Variants in IL17RD observed in about 807,000 individuals in gnomAD.
The protein encoded by IL17RD is interleukin-17 receptor D.
IL17RD carries 52 observed loss-of-function variants against 80.5 expected under a neutral mutation model. That is an observed-to-expected ratio of 0.65 (90% CI 0.52 to 0.81). The LOEUF is 0.81. Ranked by LOEUF, IL17RD falls within the 40% of genes least tolerant of loss-of-function variation. The pLI, the probability that IL17RD is intolerant of heterozygous loss-of-function variation, is 0.00. For synonymous variants in IL17RD, 416 were observed against 391.8 expected, an observed-to-expected ratio of 1.06 and a Z score of -0.73; for missense variants, 1,024 against 955.1, an observed-to-expected ratio of 1.07 and a Z score of -0.95.
At chr3:57,167,605 A>G (rs1429735269), upstream of IL17RD, among the ~76,000 whole-genome samples, 1 of 152,176 alleles carries the variant, frequency 6.6e-6, no homozygotes, top group Non-Finnish European at 1.5e-5. Flanking sequence ...AAACAACCCC[A>G]TGCTAAGGGA....
At chr3:57,124,676 C>T (rs1270556123) in intron 1 of IL17RD, among the ~76,000 whole-genome samples, 3 of 152,134 alleles carry the variant, frequency 2.0e-5, no homozygotes, top group Admixed American at 6.5e-5. Flanking sequence ...ATTCTGACCT[C>T]CAGAACTATA....
At chr3:57,156,522 G>A (rs998342780) in intron 1 of IL17RD, among the ~76,000 whole-genome samples, 23 of 152,038 alleles carry the variant, frequency 1.5e-4, no homozygotes, top group Non-Finnish European at 4.4e-5. Context: ...CTATGATCAC[G>A]CCACTGCTGC....
chr3:57,166,415 C>G (rs555614046), upstream of IL17RD, among the ~76,000 whole-genome samples: 8 of 152,072 alleles, frequency 5.3e-5, no homozygotes, highest in African/African-American at 1.9e-4. Flanking sequence ...CCTAGAGGAT[C>G]GCTTGAGTTC....
chr3:57,110,862 C>T (rs1241054473), intron 3 of IL17RD, among the ~76,000 whole-genome samples: 5 of 152,216 alleles, frequency 3.3e-5, no homozygotes, highest in Non-Finnish European at 7.3e-5. Context: ...ATTTACAAAG[C>T]GGTTCTTGCT....
At chr3:57,133,812 C>T (rs1707663342) in intron 1 of IL17RD, among the ~76,000 whole-genome samples, 1 of 152,150 alleles carries the variant, frequency 6.6e-6, no homozygotes, top group African/African-American at 2.4e-5. Flanking sequence ...GTGGTGTGTT[C>T]CTAGTCCTCT....
chr3:57,148,105 C>T lies in IL17RD; in HGVS notation c.126+17056G>A, dbSNP rs1464727237. ...GCCAAGGTTGGGGGGGGGGGGGGGG[C>T]GATCGCTAGGTCAAGAGTTCAAGAC... On this transcript the variant is annotated intron_variant, in intron 1 of 12. Transcript: ENST00000296318. 1.9e-4 allele frequency among the ~76,000 whole-genome samples: 6 copies of T among 32,378 alleles called. 1 individual carries two copies. Among genetic ancestry groups the T allele is most frequent in the African/African-American group, 3.3e-4 (3 of 9,154 alleles). The allele number at this position is 32,378 out of a possible 152,430, so 21.2% of individuals were successfully genotyped here.
Position 57,097,980 on chromosome 3 carries a change from G to C in IL17RD, c.1723C>G (p.Arg575Gly). 6.2e-7 allele frequency: 1 copy of C among 1,614,000 alleles called. No homozygotes were observed. The highest frequency in any genetic ancestry group is 8.5e-7 in the Non-Finnish European group (1 of 1,179,886). Residue 575 changes from arginine to glycine, a missense_variant, in exon 12 of 13, where the codon CGG becomes GGG. Physicochemically the swap from Arg to Gly is moderately radical, Grantham distance 125 (BLOSUM62 -2). Transcript: ENST00000296318. ...VPFHPPPLRY[R>G]EPVLEKFDSG... is the part of the protein sequence containing the mutation. ...TCAAATTTCTCCAAGACTGGCTCCCGGTAGCGCAGTGGAGGAGGATGGAAG... is the reference window on the plus strand; with the variant it reads ...TCAAATTTCTCCAAGACTGGCTCCCCGTAGCGCAGTGGAGGAGGATGGAAG...
chr3:57,148,234 A>G (rs954573510), intron 1 of IL17RD, among the ~76,000 whole-genome samples: 15 of 151,554 alleles, frequency 9.9e-5, no homozygotes, highest in South Asian at 6.3e-4. Flanking sequence ...CTGAGGCAGG[A>G]GAATCGCTTG....
chr3:57,137,524 T>A (rs1478525191), intron 1 of IL17RD, among the ~76,000 whole-genome samples: 1 of 152,090 alleles, frequency 6.6e-6, no homozygotes, highest in Non-Finnish European at 1.5e-5. Context: ...GACCCAAGAA[T>A]TGAACAGATG....
intron 1 of IL17RD, among the ~76,000 whole-genome samples, chr3:57,125,884 A>T (rs1170206338): frequency 6.6e-6 from 1 of 152,256 alleles, no homozygotes; most frequent in Non-Finnish European, 1.5e-5. Context: ...CCTGACACAT[A>T]GTCCTTGATA....
At chr3:57,156,337 G>A (rs1228674587) in intron 1 of IL17RD, among the ~76,000 whole-genome samples, 1 of 152,098 alleles carries the variant, frequency 6.6e-6, no homozygotes, top group Admixed American at 6.6e-5. Flanking sequence ...ACCCAAGTGG[G>A]CAGATCGCTT....
chr3:57,161,775 A>C (rs757795508), intron 1 of IL17RD, among the ~76,000 whole-genome samples: 16 of 152,220 alleles, frequency 1.1e-4, no homozygotes, highest in Non-Finnish European at 2.4e-4. Flanking sequence ...TTATGAACCA[A>C]ACTTGCTTCT....
At chr3:57,136,138 C>G (rs1414293599) in intron 1 of IL17RD, among the ~76,000 whole-genome samples, 1 of 152,182 alleles carries the variant, frequency 6.6e-6, no homozygotes, top group Non-Finnish European at 1.5e-5. Context: ...CTTCCTCTCT[C>G]CAGCACAACA....
chr3:57,157,296 TG>T (rs1194749090), intron 1 of IL17RD, among the ~76,000 whole-genome samples: 1 of 152,136 alleles, frequency 6.6e-6, no homozygotes, highest in Non-Finnish European at 1.5e-5. Context: ...CAAGTTTCTC[TG>T]GAATGAGTAG....
Position 57,105,943 on chromosome 3 carries a change from C to T in IL17RD, c.661G>A (p.Ala221Thr), listed in dbSNP as rs752263276. 17 of 1,613,682 alleles carry T rather than the reference C, an allele frequency of 1.1e-5. No homozygotes were observed. The East Asian group carries it at 1.3e-4, about 13-fold the overall frequency. ...GSDMQVSFDH[A>T]PHNFGFRFFY... ...AAACGGAAGCCGAAGTTGTGCGGTG[C>T]ATGGTCGAAGGACACCTGCATGTCC... is the stretch of plus-strand genomic sequence containing the variant. Residue 221 changes from alanine (A) to threonine (T), a missense_variant, in exon 7 of 13, where the codon GCA (alanine) becomes ACA (threonine). Coordinates refer to ENST00000296318, the MANE Select transcript of IL17RD (RefSeq NM_017563.5).
chr3:57,101,550 G>A (rs774729610), intron 10 of IL17RD, among the ~76,000 whole-genome samples, 187 bp from the exon 11 acceptor site: 10 of 152,150 alleles, frequency 6.6e-5, no homozygotes, highest in African/African-American at 9.7e-5. Context: ...GTGGAGCAAC[G>A]AATGGTCAAA....
In IL17RD at chr3:57,110,248, C is replaced by CA. The variant is rs1184908634; in HGVS notation, c.373dup (p.Cys125LeufsTer15). ...CGGATCCTTTAGAATCAGTTGTTGG[C>CA]ACTGTCTTCCCTCCGACTTCAGCTC... On this transcript the variant is annotated frameshift_variant, in exon 4 of 13. Coordinates refer to ENST00000296318, the MANE Select transcript of IL17RD (RefSeq NM_017563.5). LOFTEE classifies it high-confidence loss of function. 1 of 1,609,546 alleles carries CA rather than the reference C, an allele frequency of 6.2e-7. No individual in the cohort carries two copies.
Position 57,110,850 on chromosome 3 carries a change from T to G in IL17RD, c.311-539A>C, listed in dbSNP as rs1382321773. Among the ~76,000 whole-genome samples the G allele has an allele frequency of 2.0e-5, 3 of 152,362 alleles. No homozygotes were observed. The East Asian group carries it at 5.8e-4, about 29-fold the overall frequency. On this transcript the variant is annotated intron_variant, in intron 3 of 12. Coordinates refer to ENST00000296318, the MANE Select transcript of IL17RD (RefSeq NM_017563.5). ...TAAATAGCTTAGGGGAATGCCTGTG[T>G]GATTTACAAAGCGGTTCTTGCTCTA...
chr3:57,110,456 T>C, intron 3 of IL17RD, 145 bp from the exon 4 acceptor site: 1 of 855,494 alleles, frequency 1.2e-6, no homozygotes, highest in Non-Finnish European at 1.8e-6. Flanking sequence ...GTCTATAGAA[T>C]GGAAAAAACA....
Sources: allele counts gnomAD v4.1 joint callset (sites outside exome capture counted in the v4.1 genomes callset), GRCh38; gene constraint gnomAD v4.1.1; transcripts MANE v1.5; gene names NCBI Gene and HGNC (gene_info 2026-07-23, HGNC 2026-07-21).